TAF1: variants seen among roughly 807,000 people sequenced by gnomAD.
TAF1 encodes TATA-box binding protein associated factor 1, also known as transcription initiation factor TFIID subunit 1.
TAF1 carries 2 observed loss-of-function variants against 138.5 expected under a neutral mutation model. The observed-to-expected ratio is 0.01, with a 90% CI of 0.01 to 0.05. The LOEUF is 0.05. Among genes scored for constraint, TAF1 ranks in the 10% least tolerant of loss-of-function variants. The probability of loss-of-function intolerance (pLI) is 1.00; values close to 1 mark genes in which losing one functional copy is unlikely to be tolerated. For synonymous variants in TAF1, 437 were observed against 503.2 expected (o/e 0.87, Z 1.76); for missense variants, 709 against 1,478.0 (o/e 0.48, Z 8.53).
At chrX:71,390,641 C>T (rs747819496) in intron 18 of TAF1, among the ~76,000 whole-genome samples, 28 of 111,674 alleles carry the variant, frequency 2.5e-4, no homozygotes, top group African/African-American at 8.8e-4. Context: ...CTCAGCCTCC[C>T]GAGTAGCTGG....
chrX:71,448,100 T>C (rs1031800136), intron 32 of TAF1, among the ~76,000 whole-genome samples: 3 of 112,076 alleles, frequency 2.7e-5, no homozygotes, highest in Non-Finnish European at 5.6e-5. Flanking sequence ...TATCTTTCAT[T>C]CATTTTGGTG....
At chrX:71,432,567 G>C (rs1430990671) in intron 32 of TAF1, among the ~76,000 whole-genome samples, 2 of 108,527 alleles carry the variant, frequency 1.8e-5, no homozygotes, top group African/African-American at 6.7e-5. Flanking sequence ...ATCAAATCAA[G>C]TTAGGAAACT....
At chrX:71,499,656 C>A (rs936024392) in intron 13 of TAF1, among the ~76,000 whole-genome samples, 1 of 111,038 alleles carries the variant, frequency 9.0e-6, no homozygotes, top group East Asian at 2.8e-4. Context: ...GACTCCAGTC[C>A]CCATGATCTG....
Position 71,397,278 on chromosome X carries a change from C to T in TAF1, c.3432C>T (p.Asn1144=), listed in dbSNP as rs762287480. Residue 1144 remains asparagine, a synonymous_variant, in exon 23 of 38, where the codon AAC becomes AAT. Transcript: ENST00000423759. The part of the protein sequence containing the change: ...LLAAGSAASG[N]NHRDDDTASV... ...CAGCAGGCTCAGCAGCATCCGGAAA[C>T]AATCACAGAGATGATGACACAGCTT... 8.3e-7 allele frequency: 1 copy of T among 1,211,368 alleles called. No homozygotes were observed.
rs1314578049 is a variant in TAF1, at chrX:71,464,939, T to C, written c.*893T>C. 9.0e-6 allele frequency: 1 copy of C among 111,604 alleles called. No homozygotes were observed. The highest frequency in any genetic ancestry group is 1.9e-5 in the Non-Finnish European group (1 of 53,150). The allele number at this position is 111,604 out of a possible 1,213,427, so 9.2% of individuals were successfully genotyped here. A position where few individuals can be genotyped will look rare whatever the true frequency, so the allele number is the denominator to read the frequency against. On this transcript the variant is annotated 3_prime_UTR_variant, in exon 38 of 38. Coordinates refer to ENST00000423759, the MANE Select transcript of TAF1 (RefSeq NM_004606.5). The stretch of plus-strand genomic sequence containing the variant: ...TTTGAAACAGCCTATATGTCAGAAA[T>C]GATAATGTTGCCACCTAAATGTTTT...
chrX:71,401,445 T>C (rs1254934662), intron 24 of TAF1, 83 bp from the exon 25 acceptor site: 2 of 1,108,437 alleles, frequency 1.8e-6, no homozygotes, highest in East Asian at 6.1e-5. Flanking sequence ...TACTGAGGGA[T>C]GACTTTATTT....
intron 32 of TAF1, among the ~76,000 whole-genome samples, chrX:71,426,842 A>G (rs2036617762): frequency 8.9e-6 from 1 of 111,931 alleles, no homozygotes; most frequent in South Asian, 3.7e-4. Flanking sequence ...TTGAGTTTGT[A>G]CTTGATCCTA....
intron 34 of TAF1, among the ~76,000 whole-genome samples, chrX:71,456,500 A>G (rs751743251): frequency 3.6e-5 from 4 of 110,554 alleles, no homozygotes; most frequent in Non-Finnish European, 7.6e-5. Flanking sequence ...GACTGTCCTT[A>G]CTTTACTTAC....
chrX:71,367,702 G>A, intron 2 of TAF1, 89 bp downstream of exon 2: 3 of 1,034,268 alleles, frequency 2.9e-6, no homozygotes, highest in Non-Finnish European at 3.9e-6. Context: ...ACGGAGTTTC[G>A]CTCTGTCTCC....
chrX:71,442,346 A>G (rs2037471636), intron 32 of TAF1, among the ~76,000 whole-genome samples: 1 of 112,000 alleles, frequency 8.9e-6, no homozygotes, highest in East Asian at 2.8e-4. Context: ...TGACTTCTTA[A>G]CGATTGCCAT....
At chrX:71,386,721 T>C (rs1452468117) in intron 14 of TAF1, among the ~76,000 whole-genome samples, 1 of 113,026 alleles carries the variant, frequency 8.8e-6, no homozygotes, top group Non-Finnish European at 1.9e-5. Flanking sequence ...TGCCTCGGCT[T>C]CCCAAAGTGC....
intron 13 of TAF1, among the ~76,000 whole-genome samples, chrX:71,484,659 G>A (rs1447520244): frequency 8.9e-6 from 1 of 111,740 alleles, no homozygotes. Context: ...CATCCTTTAA[G>A]TGTTTTATTT....
chrX:71,455,058 C>T (rs1321609373), intron 34 of TAF1: 2 of 1,154,181 alleles, frequency 1.7e-6, no homozygotes, highest in Non-Finnish European at 2.3e-6. Context: ...CCAGAAAAGG[C>T]AGCTGTGGGA....
chrX:71,398,502 G>A (rs934348882), intron 23 of TAF1, 70 bp from the exon 24 acceptor site: 8 of 1,164,281 alleles, frequency 6.9e-6, no homozygotes, highest in East Asian at 3.0e-5. Flanking sequence ...TAGCTATCAC[G>A]ATAGTCTTCT....
intron 13 of TAF1, among the ~76,000 whole-genome samples, chrX:71,508,180 A>C (rs989113928): frequency 9.4e-6 from 1 of 106,326 alleles, no homozygotes. Context: ...ACACATAAAT[A>C]GGCAATTATA....
intron 13 of TAF1, among the ~76,000 whole-genome samples, chrX:71,524,815 C>T (rs889913502): frequency 8.7e-4 from 94 of 107,663 alleles, no homozygotes; most frequent in African/African-American, 3.0e-3. Flanking sequence ...GTGGCGGTTG[C>T]CTGTAATCCC....
At chrX:71,451,053 C>T (rs1235668060) in intron 32 of TAF1, among the ~76,000 whole-genome samples, 1 of 112,441 alleles carries the variant, frequency 8.9e-6, no homozygotes. Context: ...TATGTGAAAT[C>T]TCCCATCTGT....
intron 35 of TAF1, chrX:71,459,026 C>T: frequency 2.7e-6 from 1 of 375,136 alleles, no homozygotes; most frequent in Non-Finnish European, 4.4e-6. Flanking sequence ...GTCTAAACAG[C>T]CCCCACTAGC....
chrX:71,460,205 C>T (rs906100649), intron 36 of TAF1, among the ~76,000 whole-genome samples: 1 of 112,023 alleles, frequency 8.9e-6, no homozygotes, highest in African/African-American at 3.2e-5. Flanking sequence ...CATACCATTG[C>T]ACTACAGCTT....
Sources: allele counts gnomAD v4.1 joint callset (sites outside exome capture counted in the v4.1 genomes callset), GRCh38; gene constraint gnomAD v4.1.1; transcripts MANE v1.5; gene names NCBI Gene and HGNC (gene_info 2026-07-23, HGNC 2026-07-21).